Variants in CCND3 observed in about 807,000 individuals in gnomAD.
CCND3 encodes G1/S-specific cyclin-D3.
In CCND3, 9 loss-of-function variants were observed where a neutral mutation model predicts 28.7. That is an observed-to-expected ratio of 0.31 (90% CI 0.19 to 0.55). CCND3 has a LOEUF of 0.55. Ranked by LOEUF, CCND3 falls within the 20% of genes least tolerant of loss-of-function variation. The pLI, the probability that CCND3 is intolerant of heterozygous loss-of-function variation, is 0.93. For missense variants in CCND3, 315 were observed against 385.8 expected (o/e 0.82, Z 1.54); for synonymous variants, 164 against 163.9 (o/e 1.00, Z 0.00).
rs755019224 is a variant in CCND3, at chr6:41,941,428, G to A, written c.198+24C>T. 4 of 1,606,036 alleles carry A rather than the reference G, an allele frequency of 2.5e-6. No individual in the cohort carries two copies. The highest frequency in any genetic ancestry group is 3.4e-5 in the Admixed American group (2 of 59,462). ...GTGTCCAGACCCGGGAGCGGTGGGG[G>A]AGGGGGACGCGTCCGGGCGGTACCT... On this transcript the variant is annotated intron_variant, in intron 1 of 4. Transcript: ENST00000372991. This position sits in a 1 kb window ranked among gnomAD's most constrained non-coding sequence, Gnocchi z 6.1.
At chr6:41,997,777 G>C (rs1307706632) in intron 1 of CCND3, among the ~76,000 whole-genome samples, 1 of 151,952 alleles carries the variant, frequency 6.6e-6, no homozygotes, top group African/African-American at 2.4e-5. Context: ...CCACCACCCA[G>C]AAGAGCCCCA....
chr6:42,037,696 G>A (rs1176676394), intron 1 of CCND3, among the ~76,000 whole-genome samples: 1 of 151,882 alleles, frequency 6.6e-6, no homozygotes, highest in Admixed American at 6.6e-5. Flanking sequence ...TTATTCCAGG[G>A]AATGCCATGT....
chr6:41,960,864 C>G (rs1235677869), intron 1 of CCND3, among the ~76,000 whole-genome samples: 1 of 152,194 alleles, frequency 6.6e-6, no homozygotes, highest in Non-Finnish European at 1.5e-5. Flanking sequence ...GCCACCCATT[C>G]TGTTCAGTCA....
At chr6:41,981,387 T>TAA (rs1223357992) in intron 1 of CCND3, among the ~76,000 whole-genome samples, 3 of 151,880 alleles carry the variant, frequency 2.0e-5, no homozygotes, top group Non-Finnish European at 4.4e-5. Context: ...GTACTTTTAG[T>TAA]AGAGACAGGG....
At chr6:41,968,588 AAAC>A (rs772201182) in intron 1 of CCND3, among the ~76,000 whole-genome samples, 5 of 152,138 alleles carry the variant, frequency 3.3e-5, no homozygotes, top group South Asian at 4.1e-4. Context: ...TCTAAAAAAC[AAAC>A]AACAACAACA....
At chr6:42,031,655 A>G (rs1764046812) in intron 1 of CCND3, among the ~76,000 whole-genome samples, 1 of 152,154 alleles carries the variant, frequency 6.6e-6, no homozygotes, top group African/African-American at 2.4e-5. Flanking sequence ...TCCCCCAAGA[A>G]ATAACCACTG....
chr6:41,992,920 G>A (rs1762697263), intron 1 of CCND3, among the ~76,000 whole-genome samples: 1 of 151,648 alleles, frequency 6.6e-6, no homozygotes, highest in Non-Finnish European at 1.5e-5. Context: ...TTTTATTTTT[G>A]TTTTTAAAGA....
chr6:41,960,384 T>A (rs190869008), intron 1 of CCND3, among the ~76,000 whole-genome samples: 6 of 152,248 alleles, frequency 3.9e-5, no homozygotes, highest in African/African-American at 1.2e-4. Context: ...GTGAATGCTA[T>A]GGTATGTAAC....
At chr6:41,957,842 T>C (rs1020707121) in intron 1 of CCND3, among the ~76,000 whole-genome samples, 26 of 152,116 alleles carry the variant, frequency 1.7e-4, no homozygotes, top group African/African-American at 5.5e-4. Flanking sequence ...TTTTCATTTC[T>C]ATTTATTTTT....
intron 1 of CCND3, among the ~76,000 whole-genome samples, chr6:41,959,620 G>T (rs577007784): frequency 1.3e-5 from 2 of 149,596 alleles, no homozygotes; most frequent in African/African-American, 5.0e-5. Flanking sequence ...CCAGGGAGTC[G>T]GAGGTTGCAG....
Position 41,941,249 on chromosome 6 carries a change from G to T in CCND3, c.198+203C>A. 7.0e-7 allele frequency: 1 copy of T among 1,433,556 alleles called. No homozygotes were observed. The highest frequency in any genetic ancestry group is 9.1e-7 in the Non-Finnish European group (1 of 1,097,592). 88.8% of individuals were successfully genotyped at this position (1,433,556 alleles called of 1,614,324 possible). A position where few individuals can be genotyped will look rare whatever the true frequency, so the allele number is the denominator to read the frequency against. ...CAGTTAGGGTGCCAAGTGACTGGCA[G>T]TCACTGTCGGGAGGAGCCGATTAGG... is the stretch of plus-strand genomic sequence containing the variant. On this transcript the variant is annotated intron_variant, in intron 1 of 4. Coordinates refer to ENST00000372991, the MANE Select transcript of CCND3 (RefSeq NM_001760.5). The surrounding 1 kb of genome is among the most constrained non-coding windows in gnomAD (Gnocchi z 6.1).
intron 1 of CCND3, among the ~76,000 whole-genome samples, chr6:42,011,818 C>T (rs757356938): frequency 2.0e-5 from 3 of 152,154 alleles, no homozygotes; most frequent in Admixed American, 6.5e-5. Context: ...GACGACAGCG[C>T]TCACCGGTGC....
chr6:41,984,345 T>G (rs1762421720), intron 1 of CCND3, among the ~76,000 whole-genome samples: 1 of 152,002 alleles, frequency 6.6e-6, no homozygotes, highest in Admixed American at 6.6e-5. Context: ...GTTCTGTTTT[T>G]TTGTTTGTTT....
chr6:41,948,845 CAAAAAAAA>C (rs112279157), intron 1 of CCND3, among the ~76,000 whole-genome samples: 14 of 95,466 alleles, frequency 1.5e-4, no homozygotes, highest in African/African-American at 4.8e-4. Flanking sequence ...GACTCCATCT[CAAAAAAAA>C]AAAAAAGAAA....
upstream of CCND3, among the ~76,000 whole-genome samples, chr6:41,945,178 A>G (rs1476979817): frequency 6.6e-6 from 1 of 152,178 alleles, no homozygotes; most frequent in Non-Finnish European, 1.5e-5. Flanking sequence ...AACCCCAAGG[A>G]GGAAAGATAC....
rs1775815934 is a variant in CCND3, at chr6:41,936,801, A to T, written c.575-106T>A. ...GTGCCAGGCAGCATGAGTAGAGCAG[A>T]GGACATGCTGGAAAACTCCAGCAGT... is the stretch of plus-strand genomic sequence containing the variant. On this transcript the variant is annotated intron_variant, in intron 3 of 4. Coordinates refer to ENST00000372991, the MANE Select transcript of CCND3 (RefSeq NM_001760.5). This position sits in a 1 kb window ranked among gnomAD's most constrained non-coding sequence, Gnocchi z 4.4. 3.3e-6 allele frequency: 4 copies of T among 1,216,700 alleles called. No homozygotes were observed. The highest frequency in any genetic ancestry group is 1.5e-5 in the African/African-American group (1 of 65,836). The allele number at this position is 1,216,700 out of a possible 1,614,324, so 75.4% of individuals were successfully genotyped here. A position where few individuals can be genotyped will look rare whatever the true frequency, so the allele number is the denominator to read the frequency against.
Position 41,935,617 on chromosome 6 carries a change from T to TA in CCND3, c.*322_*323insT, listed in dbSNP as rs1554155170. 10 of 429,234 alleles carry TA rather than the reference T, an allele frequency of 2.3e-5. No individual in the cohort carries two copies. Among genetic ancestry groups the TA allele is most frequent in the Admixed American group, 3.6e-5 (1 of 27,974 alleles). 26.6% of individuals were successfully genotyped at this position (429,234 alleles called of 1,614,324 possible). ...TTGAAAACATGAGAGCCCCCAGGGG[T>TA]GGGGGGGGGCGTTCAAAAGGAATGC... On this transcript the variant is annotated 3_prime_UTR_variant, in exon 5 of 5. Transcript: ENST00000372991.
intron 1 of CCND3, among the ~76,000 whole-genome samples, chr6:41,947,699 G>A (rs1448222861): frequency 4.0e-5 from 6 of 151,856 alleles, no homozygotes; most frequent in African/African-American, 1.2e-4. Context: ...TCCAACCTGC[G>A]ACCCACTTCT....
chr6:42,028,548 T>C (rs1763948852), intron 1 of CCND3, among the ~76,000 whole-genome samples: 1 of 152,232 alleles, frequency 6.6e-6, no homozygotes, highest in African/African-American at 2.4e-5. Context: ...CTGCTCATGA[T>C]ATGGCAGAAG....
Sources: gnomAD v4.1 joint callset for allele counts (sites outside exome capture counted in the v4.1 genomes callset) on GRCh38, gnomAD v4.1.1 for gene constraint, Gnocchi (gnomAD v3.1) non-coding constraint, MANE v1.5 for transcripts, NCBI Gene and HGNC (gene_info 2026-07-23, HGNC 2026-07-21) for gene names.